The following ZNF746 variants were observed in gnomAD, a reference collection of about 807,000 sequenced individuals.
ZNF746 encodes parkin-interacting substrate.
Under a neutral mutation model 41.0 loss-of-function variants are expected in ZNF746, and 13 were observed. That is an observed-to-expected ratio of 0.32 (90% confidence interval 0.21 to 0.50). The LOEUF is 0.50. ZNF746 is among the 20% of genes least tolerant of loss of function. ZNF746 has a pLI of 0.98. For synonymous variants in ZNF746, 424 were observed against 396.2 expected (o/e 1.07, Z -0.83); for missense variants, 811 against 922.9 (o/e 0.88, Z 1.57).
intron 4 of ZNF746, among the ~76,000 whole-genome samples, chr7:149,483,372 G>T (rs1356350950): frequency 6.6e-6 from 1 of 152,138 alleles, no homozygotes; most frequent in Non-Finnish European, 1.5e-5. Flanking sequence ...TAGCACTTTG[G>T]GAAGCTGAGG....
intron 5 of ZNF746, 100 bp from the exon 6 acceptor site, chr7:149,477,147 C>G: frequency 7.0e-7 from 1 of 1,423,218 alleles, no homozygotes; most frequent in Non-Finnish European, 9.3e-7. Context: ...GGTCCCCCCA[C>G]TGGGGGCTTT....
intron 6 of ZNF746, among the ~76,000 whole-genome samples, 165 bp from the exon 7 acceptor site, chr7:149,475,648 G>A (rs1239105521): frequency 6.6e-6 from 1 of 152,192 alleles, no homozygotes; most frequent in Non-Finnish European, 1.5e-5. Flanking sequence ...GTGGCTGTGA[G>A]GCTGCCTCCC....
chr7:149,497,311 T>C lies in ZNF746; in HGVS notation c.24+202A>G. 1.0e-6 allele frequency: 1 copy of C among 984,824 alleles called. No homozygotes were observed. The allele number at this position is 984,824 out of a possible 1,614,324, so 61.0% of individuals were successfully genotyped here. On this transcript the variant is annotated intron_variant, in intron 1 of 6. Transcript: ENST00000458143. The surrounding 1 kb of genome is among the most constrained non-coding windows in gnomAD (Gnocchi z 4.2). ...GCGGGGACAACCGTTCCGCCAGCGC[T>C]CGGGTTCGGCTCGGAGTGGGGGCCC...
intron 4 of ZNF746, among the ~76,000 whole-genome samples, chr7:149,478,362 CTCTG>C (rs1416306652): frequency 6.6e-6 from 1 of 152,180 alleles, no homozygotes; most frequent in Non-Finnish European, 1.5e-5. Context: ...ACTAGGAAAA[CTCTG>C]TCTGCCTGCG....
intron 4 of ZNF746, among the ~76,000 whole-genome samples, chr7:149,485,730 T>A (rs1235875104): frequency 6.6e-6 from 1 of 151,334 alleles, no homozygotes; most frequent in Admixed American, 6.6e-5. Flanking sequence ...AAAAGGTTAA[T>A]ATTTAGAATA....
intron 4 of ZNF746, among the ~76,000 whole-genome samples, chr7:149,483,367 C>G (rs1800534528): frequency 6.6e-6 from 1 of 152,132 alleles, no homozygotes; most frequent in South Asian, 2.1e-4. Context: ...AATCCTAGCA[C>G]TTTGGGAAGC....
In ZNF746 at chr7:149,473,295, T is replaced by G. The variant is rs1800160941; in HGVS notation, c.*1089A>C. 6.6e-6 allele frequency: 1 copy of G among 152,150 alleles called. No individual in the cohort carries two copies. Among genetic ancestry groups the G allele is most frequent in the African/African-American group, 2.4e-5 (1 of 41,424 alleles). The allele number at this position is 152,150 out of a possible 1,614,324, so 9.4% of individuals were successfully genotyped here. A position where few individuals can be genotyped will look rare whatever the true frequency, so the allele number is the denominator to read the frequency against. On this transcript the variant is annotated 3_prime_UTR_variant, in exon 7 of 7. Transcript: ENST00000458143. Reference sequence around the variant, plus strand: ...AGAGGGAAAACCTGGAAATCTCTGTTCACCCACAGTGATGTTCCAGTAGAA... The same window carrying G: ...AGAGGGAAAACCTGGAAATCTCTGTGCACCCACAGTGATGTTCCAGTAGAA...
intron 4 of ZNF746, among the ~76,000 whole-genome samples, chr7:149,486,725 T>C (rs930242816): frequency 6.6e-6 from 1 of 152,188 alleles, no homozygotes; most frequent in South Asian, 2.1e-4. Context: ...AGGGACTCTA[T>C]TTCTGAATTT....
chr7:149,489,072 G>A (rs1270348599), intron 4 of ZNF746: 1 of 152,168 alleles, frequency 6.6e-6, no homozygotes, highest in Non-Finnish European at 1.5e-5. Flanking sequence ...TGACATCTAT[G>A]TAATTTTTCA....
rs758260342 is a variant in ZNF746 at position 149,475,230 on chromosome 7, G to A, written c.1137C>T (p.Ala379=). 6 of 1,613,096 alleles carry A rather than the reference G, an allele frequency of 3.7e-6. No individual in the cohort carries two copies. The South Asian group carries it at 6.6e-5, about 18-fold the overall frequency. The change falls in exon 7 of 7, where the codon GCC becomes GCT. Residue 379 remains alanine, a synonymous_variant. Transcript: ENST00000458143. Reference sequence around the variant, plus strand: ...AGTCCCCAGGAGGGGTCTCCTCCTGGGCCACAGCAGGACTGAGCTCACCCA... The same window carrying A: ...AGTCCCCAGGAGGGGTCTCCTCCTGAGCCACAGCAGGACTGAGCTCACCCA... ...RDMGELSPAV[A]QEETPPGDWL...
chr7:149,472,732 G>A (rs189941191), downstream of ZNF746: 516 of 152,680 alleles, frequency 3.4e-3, 3 homozygotes, highest in Non-Finnish European at 6.1e-3. Context: ...CCCCTTGGAG[G>A]GCATGTTTGG....
At chr7:149,491,747 G>GAAAGGGA (rs1329430703) in intron 4 of ZNF746, 2 of 622,298 alleles carry the variant, frequency 3.2e-6, no homozygotes, top group Non-Finnish European at 5.8e-6. Context: ...AGTGTCAGAC[G>GAAAGGGA]AAAGGGAAAA....
chr7:149,490,397 G>A (rs138504523), intron 4 of ZNF746: 50 of 152,328 alleles, frequency 3.3e-4, no homozygotes, highest in African/African-American at 1.1e-3. Context: ...CTGCAGCCAC[G>A]TGCAGCTGCT....
chr7:149,485,944 TAGG>T (rs1800611139), intron 4 of ZNF746, among the ~76,000 whole-genome samples: 1 of 151,844 alleles, frequency 6.6e-6, no homozygotes, highest in Admixed American at 6.6e-5. Context: ...GAGGCTGAGT[TAGG>T]AGAATTACTT....
chr7:149,494,070 C>T lies in ZNF746; in HGVS notation c.370G>A (p.Glu124Lys). The change falls in exon 3 of 7, where the codon GAG becomes AAG. Residue 124 changes from glutamate (E) to lysine (K), a missense_variant. Glu to Lys is a moderately conservative substitution (Grantham distance 56). This residue lies in a region of ZNF746 where 147 missense variants were observed against 233.4 expected (regional missense o/e 0.63). Transcript: ENST00000458143. The surrounding 1 kb of genome is among the most constrained non-coding windows in gnomAD (Gnocchi z 5.6). ...DDVAVYFSEQEWGKLEDWQKE... is the reference protein window; with the variant it reads ...DDVAVYFSEQKWGKLEDWQKE... ...TGCCAGTCCTCCAGCTTGCCCCACT[C>T]CTGCTCGGAGAAATACACGGCCACA... The T allele has an allele frequency of 6.2e-7, 1 of 1,614,204 alleles. No homozygotes were observed. Among genetic ancestry groups the T allele is most frequent in the Non-Finnish European group, 8.5e-7 (1 of 1,180,042 alleles).
chr7:149,477,430 G>C, intron 5 of ZNF746, 134 bp downstream of exon 5: 1 of 1,081,472 alleles, frequency 9.2e-7, no homozygotes, highest in Non-Finnish European at 1.3e-6. Context: ...CCTACCTCGA[G>C]ACGGGAAAAT....
rs1585715432 is a variant in ZNF746 at position 149,473,988 on chromosome 7, G to A, written c.*396C>T. 1 of 264,234 alleles carries A rather than the reference G, an allele frequency of 3.8e-6. No homozygotes were observed. The highest frequency in any genetic ancestry group is 7.4e-6 in the Non-Finnish European group (1 of 135,114). The allele number at this position is 264,234 out of a possible 1,614,324, so 16.4% of individuals were successfully genotyped here. A position where few individuals can be genotyped will look rare whatever the true frequency, so the allele number is the denominator to read the frequency against. On this transcript the variant is annotated 3_prime_UTR_variant, in exon 7 of 7. Transcript: ENST00000458143. ...TCAGTGGGCCAGGGGTCCCCAACTG[G>A]CCAACCTTCCAACACACTATCAGAC...
intron 4 of ZNF746, among the ~76,000 whole-genome samples, chr7:149,478,125 T>C (rs901715384): frequency 1.5e-5 from 2 of 136,054 alleles, no homozygotes; most frequent in South Asian, 5.5e-4. Context: ...CCTTCCCCCC[T>C]CATATATTTA....
Position 149,474,613 on chromosome 7 carries a change from G to A in ZNF746, c.1754C>T (p.Thr585Ile). Residue 585 changes from threonine (T) to isoleucine (I), a missense_variant, in exon 7 of 7, where the codon ACC (threonine) becomes ATC (isoleucine). This residue lies in a region of ZNF746 where 70 missense variants were observed against 127.6 expected (regional missense o/e 0.55). Transcript: ENST00000458143. The surrounding 1 kb of genome is among the most constrained non-coding windows in gnomAD (Gnocchi z 6.3). ...THTGVRPFTC[T>I]VCGKSFIRKD... ...GCGGATGAAGCTTTTGCCGCAGACG[G>A]TGCAGGTGAAGGGCCGCACGCCCGT... The A allele has an allele frequency of 1.2e-6, 2 of 1,613,570 alleles. No individual in the cohort carries two copies. Among genetic ancestry groups the A allele is most frequent in the South Asian group, 1.1e-5 (1 of 91,034 alleles).
Sources: allele counts gnomAD v4.1 joint callset (sites outside exome capture counted in the v4.1 genomes callset), GRCh38; gene constraint gnomAD v4.1.1; regional missense constraint gnomAD v4.1.1; non-coding constraint Gnocchi (gnomAD v3.1); transcripts MANE v1.5; gene names NCBI Gene and HGNC (gene_info 2026-07-23, HGNC 2026-07-21).